PRRC2A: variants seen among roughly 807,000 people sequenced by gnomAD.
The protein encoded by PRRC2A is proline rich coiled-coil 2A, also known as protein PRRC2A.
PRRC2A carries 59 observed loss-of-function variants against 224.6 expected under a neutral mutation model. The observed-to-expected ratio is 0.26, with a 90% confidence interval of 0.21 to 0.33. The LOEUF (loss-of-function observed/expected upper bound fraction) is 0.33. Among genes scored for constraint, PRRC2A ranks in the 10% least tolerant of loss-of-function variants. The pLI, the probability that PRRC2A is intolerant of heterozygous loss-of-function variation, is 1.00. For synonymous variants in PRRC2A, 1,194 were observed against 1,109.5 expected, an observed-to-expected ratio of 1.08 and a Z score of -1.51; for missense variants, 3,095 against 2,880.7, an observed-to-expected ratio of 1.07 and a Z score of -1.70.
chr6:31,636,514 G>T lies in PRRC2A; in HGVS notation c.5840G>T (p.Arg1947Leu). The change falls in exon 27 of 31, where the codon CGC (arginine) becomes CTC (leucine). Residue 1947 changes from arginine to leucine, a missense_variant. By Grantham distance (102) the Arg-to-Leu change is moderately radical. Around this residue, in one of 8 missense-constraint regions of PRRC2A, gnomAD observed 662 missense variants for 609.5 expected, o/e 1.09. Coordinates refer to ENST00000376033, the MANE Select transcript of PRRC2A (RefSeq NM_004638.4). This position sits in a 1 kb window ranked among gnomAD's most constrained non-coding sequence, Gnocchi z 4.3. ...PLPDTSLLQV[R>L]QDLPSPSDFY... ...TTTCTCCCTGTTTCCCGACAGGTAC[G>T]CCAGGATCTGCCATCCCCTTCGGAT... The T allele has an allele frequency of 6.2e-7, 1 of 1,608,658 alleles. No individual in the cohort carries two copies. Among genetic ancestry groups the T allele is most frequent in the East Asian group, 2.2e-5 (1 of 44,800 alleles).
Position 31,627,725 on chromosome 6 carries a change from A to G in PRRC2A, c.1291-40A>G. The G allele has an allele frequency of 6.2e-7, 1 of 1,600,784 alleles. No homozygotes were observed. ...AAAAGAGATGATAGAAAGCATAGTA[A>G]CTGATTCCCCTGGCCCTGCTGGGTC... On this transcript the variant is annotated intron_variant, in intron 11 of 30. Coordinates refer to ENST00000376033, the MANE Select transcript of PRRC2A (RefSeq NM_004638.4). The surrounding 1 kb of genome is among the most constrained non-coding windows in gnomAD (Gnocchi z 5.6).
rs757767212 is a variant in PRRC2A, at chr6:31,633,420, C to T, written c.4361C>T (p.Pro1454Leu). Reference sequence around the variant, plus strand: ...CGTCCCCCGGGGCTTCCCCTGCCTCCCCCACCTCCCAGCAGTTCTGCTGTC... The same window carrying T: ...CGTCCCCCGGGGCTTCCCCTGCCTCTCCCACCTCCCAGCAGTTCTGCTGTC... ...EERPPGLPLP[P>L]PPPSSSAVFR... is the part of the protein sequence containing the mutation. The change falls in exon 17 of 31, where the codon CCC (proline) becomes CTC (leucine). Residue 1454 changes from proline (P) to leucine (L), a missense_variant. Pro to Leu is a moderately conservative substitution (Grantham distance 98). This residue lies in a region of PRRC2A where 2,001 missense variants were observed against 1,764.9 expected (regional missense o/e 1.13). Coordinates refer to ENST00000376033, the MANE Select transcript of PRRC2A (RefSeq NM_004638.4). 6.2e-7 allele frequency: 1 copy of T among 1,613,044 alleles called. No homozygotes were observed. Among genetic ancestry groups the T allele is most frequent in the South Asian group, 1.1e-5 (1 of 91,090 alleles).
In PRRC2A at chr6:31,630,603, G is replaced by A. The variant is rs763007534; in HGVS notation, c.2267G>A (p.Arg756Gln). The change falls in exon 15 of 31, where the codon CGA becomes CAA. Residue 756 changes from arginine to glutamine, a missense_variant. Transcript: ENST00000376033. ...TTGGTTTCTTCAGGCCTAGTTCCCC[G>A]AGAGCGTTCAGACAGTGGGGGCTCA... is the stretch of plus-strand genomic sequence containing the variant. ...PGVHPSGLVP[R>Q]ERSDSGGSSS... 28 of 1,614,078 alleles carry A rather than the reference G, an allele frequency of 1.7e-5. No homozygotes were observed. The highest frequency in any genetic ancestry group is 6.7e-5 in the East Asian group (3 of 44,884).
chr6:31,628,660 A>G (rs1203696354), intron 12 of PRRC2A: 1 of 228,170 alleles, frequency 4.4e-6, no homozygotes, highest in South Asian at 8.7e-5. Context: ...TGGCCAACAT[A>G]GTGAAACCCG....
rs1299354217 is a variant in PRRC2A, at chr6:31,627,462, A to G, written c.1290+264A>G. 6.6e-6 allele frequency among the ~76,000 whole-genome samples: 1 copy of G among 152,176 alleles called. No homozygotes were observed. Among genetic ancestry groups the G allele is most frequent in the Non-Finnish European group, 1.5e-5 (1 of 68,024 alleles). On this transcript the variant is annotated intron_variant, in intron 11 of 30. Coordinates refer to ENST00000376033, the MANE Select transcript of PRRC2A (RefSeq NM_004638.4). This position sits in a 1 kb window ranked among gnomAD's most constrained non-coding sequence, Gnocchi z 5.6. ...GTTTCGGAAGGAGAGAGGGAACAGA[A>G]AAATAAAAAGACTAGGGTGGCTAGA...
In PRRC2A at chr6:31,632,137, C is replaced by A; in HGVS notation, c.3464C>A (p.Ala1155Asp). Reference protein sequence around the residue: ...PPSPAPARFTARGGRVFTPRG... With the variant: ...PPSPAPARFTDRGGRVFTPRG... Reference sequence around the variant, plus strand: ...TCACCAGCCCCAGCCCGCTTCACTGCCCGGGGTGGGCGAGTCTTCACTCCC... The same window carrying A: ...TCACCAGCCCCAGCCCGCTTCACTGACCGGGGTGGGCGAGTCTTCACTCCC... The change falls in exon 16 of 31, where the codon GCC becomes GAC. Residue 1155 changes from alanine (A) to aspartate (D), a missense_variant. Ala to Asp is a moderately radical substitution (Grantham distance 126). Coordinates refer to ENST00000376033, the MANE Select transcript of PRRC2A (RefSeq NM_004638.4). The A allele has an allele frequency of 6.4e-7, 1 of 1,562,542 alleles. No individual in the cohort carries two copies. Among genetic ancestry groups the A allele is most frequent in the South Asian group, 1.2e-5 (1 of 83,114 alleles).
At position 31,633,410 on chromosome 6, in the gene PRRC2A, C is replaced by G. The variant is rs763605212; in HGVS notation, c.4351C>G (p.Pro1451Ala). The G allele has an allele frequency of 5.6e-6, 9 of 1,612,894 alleles. No homozygotes were observed. The highest frequency in any genetic ancestry group is 1.3e-5 in the African/African-American group (1 of 74,924). ...TCCAGAGGAGCGTCCCCCGGGGCTT[C>G]CCCTGCCTCCCCCACCTCCCAGCAG... ...RPPEERPPGL[P>A]LPPPPPSSSA... Residue 1451 changes from proline (P) to alanine (A), a missense_variant, in exon 17 of 31, where the codon CCC becomes GCC. Physicochemically the swap from Pro to Ala is conservative, Grantham distance 27 (BLOSUM62 -1). Around this residue, in one of 8 missense-constraint regions of PRRC2A, gnomAD observed 2,001 missense variants for 1,764.9 expected, o/e 1.13. Coordinates refer to ENST00000376033, the MANE Select transcript of PRRC2A (RefSeq NM_004638.4).
In PRRC2A at chr6:31,637,288, A is replaced by T; in HGVS notation, c.6297A>T (p.Gly2099=). Residue 2099 remains glycine (G), a synonymous_variant, in exon 30 of 31, where the codon GGA becomes GGT. Transcript: ENST00000376033. ...RLKATPSTYS[G]VFRTQRVDLY... is the part of the protein sequence containing the mutation. ...AGGCCACGCCTTCCACCTACAGTGG[A>T]GTCTTCCGCACCCAGCGCGTCGACC... The T allele has an allele frequency of 6.2e-7, 1 of 1,612,572 alleles. No homozygotes were observed. The highest frequency in any genetic ancestry group is 8.5e-7 in the Non-Finnish European group (1 of 1,179,616).
Position 31,633,478 on chromosome 6 carries a change from T to G in PRRC2A, c.4419T>G (p.Pro1473=). The G allele has an allele frequency of 6.2e-7, 1 of 1,613,078 alleles. No homozygotes were observed. Among genetic ancestry groups the G allele is most frequent in the Non-Finnish European group, 8.5e-7 (1 of 1,180,026 alleles). ...TGGACCAAGTTATCCACAGCAACCC[T>G]GCTGGCATCCAACAGGCTCTGGCCC... ...FRLDQVIHSN[P]AGIQQALAQL... The change falls in exon 17 of 31, where the codon CCT becomes CCG. Residue 1473 remains proline, a synonymous_variant. Transcript: ENST00000376033.
rs778635632 is a variant in PRRC2A at position 31,636,405 on chromosome 6, A to G, written c.5821A>G (p.Thr1941Ala). The G allele has an allele frequency of 6.2e-7, 1 of 1,612,762 alleles. No individual in the cohort carries two copies. Among genetic ancestry groups the G allele is most frequent in the East Asian group, 2.2e-5 (1 of 44,896 alleles). The change falls in exon 26 of 31, where the codon ACA becomes GCA. Residue 1941 changes from threonine to alanine, a missense_variant. By Grantham distance (58) the Thr-to-Ala change is moderately conservative. Transcript: ENST00000376033. This position sits in a 1 kb window ranked among gnomAD's most constrained non-coding sequence, Gnocchi z 4.3. ...TTTCTGCCCCAGTCCTTTGCCTGAC[A>G]CATCGTTGCTTCAGGTAAGAGGGGG... ...PAFCPSPLPD[T>A]SLLQVRQDLP...
chr6:31,629,779 G>A lies in PRRC2A; in HGVS notation c.2188G>A (p.Val730Met). 4 of 1,613,546 alleles carry A rather than the reference G, an allele frequency of 2.5e-6. No homozygotes were observed. Among genetic ancestry groups the A allele is most frequent in the Non-Finnish European group, 2.5e-6 (3 of 1,179,794 alleles). Residue 730 changes from valine to methionine, a missense_variant, in exon 14 of 31, where the codon GTG becomes ATG. By Grantham distance (21) the Val-to-Met change is conservative (BLOSUM62 1). Coordinates refer to ENST00000376033, the MANE Select transcript of PRRC2A (RefSeq NM_004638.4). ...DPRWMMIPPY[V>M]DPRLLQGRPP... ...CCGATGGATGATGATTCCTCCTTAT[G>A]TGGACCCCCGGCTCCTCCAGGGTCG...
chr6:31,625,016 T>G lies in PRRC2A; in HGVS notation c.464-155T>G. The G allele has an allele frequency of 1.2e-6, 1 of 802,608 alleles. No individual in the cohort carries two copies. Among genetic ancestry groups the G allele is most frequent in the Non-Finnish European group, 2.0e-6 (1 of 499,254 alleles). 49.7% of individuals were successfully genotyped at this position (802,608 alleles called of 1,614,324 possible). A position where few individuals can be genotyped will look rare whatever the true frequency, so the allele number is the denominator to read the frequency against. On this transcript the variant is annotated intron_variant, in intron 5 of 30. Coordinates refer to ENST00000376033, the MANE Select transcript of PRRC2A (RefSeq NM_004638.4). The surrounding 1 kb of genome is among the most constrained non-coding windows in gnomAD (Gnocchi z 4.1). ...GGGTTTCACATGTTGGCCAGGATGG[T>G]CTCGATCTCTTGACCTCGTGATCCG...
Position 31,632,388 on chromosome 6 carries a change from C to T in PRRC2A, c.3715C>T (p.Arg1239Ter). 1 of 1,610,870 alleles carries T rather than the reference C, an allele frequency of 6.2e-7. No individual in the cohort carries two copies. The highest frequency in any genetic ancestry group is 8.5e-7 in the Non-Finnish European group (1 of 1,178,446). The change falls in exon 16 of 31, where the codon CGA becomes TGA. Residue 1239 changes from arginine to a stop codon, truncating the protein, a stop_gained. Transcript: ENST00000376033. LOFTEE classifies it high-confidence loss of function. ...CAATGTGGGCATGGAAGATGGGGAG[C>T]GACCCCGAAGGAGGCGACATGGGAG... is the stretch of plus-strand genomic sequence containing the variant. Reference protein sequence around the residue: ...GSNVGMEDGERPRRRRHGRAQ... With the variant: ...GSNVGMEDGE
In PRRC2A at chr6:31,634,902, T is replaced by C. The variant is rs111688037; in HGVS notation, c.5085T>C (p.Ala1695=). The change falls in exon 21 of 31, where the codon GCT becomes GCC. Residue 1695 remains alanine, a synonymous_variant. Coordinates refer to ENST00000376033, the MANE Select transcript of PRRC2A (RefSeq NM_004638.4). The stretch of plus-strand genomic sequence containing the variant: ...CTGGAGGCTCCTCACCCCTGAATGC[T>C]GTTCCTTGTGAGGGTCCACCTGGCT... ...KRPGGSSPLN[A]VPCEGPPGSE... The C allele has an allele frequency of 2.9e-4, 460 of 1,612,978 alleles. No individual in the cohort carries two copies. Among genetic ancestry groups the C allele is most frequent in the Non-Finnish European group, 3.5e-4 (418 of 1,180,016 alleles).
intron 12 of PRRC2A, chr6:31,628,759 T>G: frequency 4.3e-6 from 1 of 232,204 alleles, no homozygotes; most frequent in Non-Finnish European, 8.4e-6. Context: ...TAGAATCGCT[T>G]TAACCCGGGA....
At chr6:31,629,102 A>G (rs372052097) in intron 12 of PRRC2A, 42 bp from the exon 13 acceptor site, 470 of 1,595,144 alleles carry the variant, frequency 2.9e-4, no homozygotes, top group East Asian at 3.3e-4. Context: ...TGGAGTGTCT[A>G]TTGTTGGACT....
Position 31,620,785 on chromosome 6 carries a change from C to T in PRRC2A, c.-174C>T, listed in dbSNP as rs1453853952. 6.6e-6 allele frequency: 1 copy of T among 152,104 alleles called. No homozygotes were observed. Among genetic ancestry groups the T allele is most frequent in the African/African-American group, 2.4e-5 (1 of 41,392 alleles). The allele number at this position is 152,104 out of a possible 1,614,324, so 9.4% of individuals were successfully genotyped here. A position where few individuals can be genotyped will look rare whatever the true frequency, so the allele number is the denominator to read the frequency against. ...GAACCCGGCGCCATCCGCCGCCATCCTCCCCCGCCCCACCGCCATCCCGTC... is the reference window on the plus strand; with the variant it reads ...GAACCCGGCGCCATCCGCCGCCATCTTCCCCCGCCCCACCGCCATCCCGTC... On this transcript the variant is annotated 5_prime_UTR_variant, in exon 1 of 31. Transcript: ENST00000376033.
intron 30 of PRRC2A, 37 bp from the exon 31 acceptor site, chr6:31,637,409 A>G (rs747228357): frequency 1.9e-6 from 3 of 1,601,744 alleles, no homozygotes; most frequent in Non-Finnish European, 1.7e-6. Flanking sequence ...CTGACCTCTC[A>G]CTGTGACTCA....
intron 17 of PRRC2A, 58 bp from the exon 18 acceptor site, chr6:31,633,801 G>A: frequency 6.5e-7 from 1 of 1,539,920 alleles, no homozygotes; most frequent in Non-Finnish European, 8.7e-7. Flanking sequence ...GAGTAGAGAG[G>A]AAAAGTTAGG....
Sources: gnomAD v4.1 joint callset for allele counts (sites outside exome capture counted in the v4.1 genomes callset) on GRCh38, gnomAD v4.1.1 for gene constraint, gnomAD v4.1.1 regional missense constraint, Gnocchi (gnomAD v3.1) non-coding constraint, MANE v1.5 for transcripts, NCBI Gene and HGNC (gene_info 2026-07-23, HGNC 2026-07-21) for gene names.